The following GPR158 variants were observed in gnomAD, a reference collection of about 807,000 sequenced individuals.
GPR158 encodes the protein G protein-coupled receptor 158.
GPR158 carries 30 observed loss-of-function variants against 78.2 expected under a neutral mutation model. The observed-to-expected ratio is 0.38, with a 90% CI of 0.29 to 0.52. The LOEUF is 0.52. Among genes scored for constraint, GPR158 ranks in the 20% least tolerant of loss-of-function variants. GPR158 has a pLI of 0.83. For missense variants in GPR158, 1,463 were observed against 1,523.5 expected (o/e 0.96, Z 0.66); for synonymous variants, 581 against 591.1 (o/e 0.98, Z 0.25).
intron 2 of GPR158, among the ~76,000 whole-genome samples, chr10:25,324,321 C>T (rs776712610): frequency 6.6e-6 from 1 of 152,158 alleles, no homozygotes; most frequent in East Asian, 1.9e-4. Flanking sequence ...CACTTAGAGG[C>T]CATTGTAGGC....
chr10:25,463,298 C>A (rs1261809453), intron 4 of GPR158, among the ~76,000 whole-genome samples: 3 of 152,070 alleles, frequency 2.0e-5, no homozygotes, highest in Admixed American at 6.5e-5. Context: ...CTTTTATATG[C>A]ACTGGGAAAC....
At chr10:25,533,051 A>G (rs1397925551) in intron 5 of GPR158, among the ~76,000 whole-genome samples, 1 of 152,208 alleles carries the variant, frequency 6.6e-6, no homozygotes, top group Non-Finnish European at 1.5e-5. Context: ...GTCCCCTACT[A>G]GTGGAGAATG....
chr10:25,256,496 A>G (rs1255303940), intron 2 of GPR158, among the ~76,000 whole-genome samples: 1 of 151,830 alleles, frequency 6.6e-6, no homozygotes, highest in Non-Finnish European at 1.5e-5. Flanking sequence ...TACAATCTAC[A>G]ATTTTTTTTT....
intron 2 of GPR158, among the ~76,000 whole-genome samples, chr10:25,298,906 T>C (rs1028990537): frequency 2.0e-5 from 3 of 152,216 alleles, no homozygotes; most frequent in Non-Finnish European, 4.4e-5. Flanking sequence ...CAGAAGGAGC[T>C]TTTTCACTTT....
intron 2 of GPR158, among the ~76,000 whole-genome samples, chr10:25,354,374 A>T (rs1284279768): frequency 2.0e-5 from 3 of 151,266 alleles, no homozygotes; most frequent in Non-Finnish European, 4.4e-5. Context: ...AAAAAAAGTT[A>T]TTAAGGAGAG....
intron 2 of GPR158, among the ~76,000 whole-genome samples, chr10:25,237,436 G>A (rs1376602242): frequency 2.0e-5 from 3 of 152,160 alleles, no homozygotes; most frequent in Admixed American, 2.0e-4. Flanking sequence ...TCCTATTAGG[G>A]AATGTCTATC....
intron 1 of GPR158, among the ~76,000 whole-genome samples, chr10:25,198,638 G>T (rs1291583086): frequency 2.0e-5 from 3 of 152,174 alleles, no homozygotes; most frequent in African/African-American, 7.2e-5. Context: ...TAAGCAGAAA[G>T]CTATTTGATA....
chr10:25,332,125 G>A (rs904010228), intron 2 of GPR158, among the ~76,000 whole-genome samples: 8 of 151,724 alleles, frequency 5.3e-5, no homozygotes, highest in Admixed American at 2.0e-4. Context: ...GGGGGGGGGC[G>A]AATACATTTC....
At chr10:25,368,648 G>C (rs771475195) in intron 2 of GPR158, among the ~76,000 whole-genome samples, 1 of 151,856 alleles carries the variant, frequency 6.6e-6, no homozygotes, top group African/African-American at 2.4e-5. Flanking sequence ...GTGTAAATTT[G>C]TTCGGCCATT....
intron 2 of GPR158, among the ~76,000 whole-genome samples, chr10:25,387,602 G>A (rs535534157): frequency 1.3e-4 from 20 of 150,048 alleles, no homozygotes; most frequent in East Asian, 9.9e-4. Flanking sequence ...TGCAACCTCC[G>A]CCTCCTGGGT....
intron 4 of GPR158, among the ~76,000 whole-genome samples, chr10:25,451,841 A>C (rs1835221621): frequency 6.6e-6 from 1 of 152,176 alleles, no homozygotes; most frequent in African/African-American, 2.4e-5. Flanking sequence ...GTTACTCATT[A>C]CCACATTTAT....
At chr10:25,378,522 A>G (rs942555735) in intron 2 of GPR158, among the ~76,000 whole-genome samples, 14 of 151,458 alleles carry the variant, frequency 9.2e-5, no homozygotes, top group African/African-American at 3.2e-4. Context: ...TTGTCCCACT[A>G]TGCTCTTTTT....
chr10:25,496,912 T>A (rs1347905407), intron 5 of GPR158, among the ~76,000 whole-genome samples: 4 of 152,170 alleles, frequency 2.6e-5, no homozygotes, highest in Admixed American at 2.6e-4. Context: ...AAATGGATAG[T>A]ACAGACAGTA....
intron 4 of GPR158, among the ~76,000 whole-genome samples, chr10:25,454,270 T>TCCTACAACTTTACTGA (rs1588872066): frequency 3.7e-4 from 7 of 19,116 alleles, no homozygotes; most frequent in Admixed American, 5.2e-4. Context: ...TGATTTTGTA[T>TCCTACAACTTTACTGA]ACATTTTGTA....
rs1205431055 is a variant in GPR158, at chr10:25,445,295, A to G, written c.1336-21356A>G. The stretch of plus-strand genomic sequence containing the variant: ...CATAAGACTTTCCTAGATAAGAAAG[A>G]GCAGCATCTGCAAAAGTCTTGGAAT... On this transcript the variant is annotated intron_variant, in intron 4 of 10. Transcript: ENST00000376351. 4.6e-5 allele frequency among the ~76,000 whole-genome samples: 7 copies of G among 152,290 alleles called. No individual in the cohort carries two copies. The East Asian group carries it at 1.2e-3, about 25-fold the overall frequency.
chr10:25,486,813 A>T (rs17527895), intron 5 of GPR158, among the ~76,000 whole-genome samples: 67,194 of 150,324 alleles, frequency 0.45, 15,995 homozygotes, highest in East Asian at 0.8. Flanking sequence ...ATGATAGACC[A>T]TTTTTTTTTG....
chr10:25,176,353 CA>C lies in GPR158; in HGVS notation c.902+35del. ...GAGGGCCGGGGGGCAGGGGGGAAGG[CA>C]AAAGCGAAGCTTTCCTTCCGGTCTT... is the stretch of plus-strand genomic sequence containing the variant. On this transcript the variant is annotated intron_variant, in intron 1 of 10. Coordinates refer to ENST00000376351, the MANE Select transcript of GPR158 (RefSeq NM_020752.3). The surrounding 1 kb of genome is among the most constrained non-coding windows in gnomAD (Gnocchi z 6.3). The C allele has an allele frequency of 2.0e-6, 3 of 1,494,654 alleles. No homozygotes were observed. Among genetic ancestry groups the C allele is most frequent in the Non-Finnish European group, 2.7e-6 (3 of 1,109,716 alleles). 92.6% of individuals were successfully genotyped at this position (1,494,654 alleles called of 1,614,324 possible). A position where few individuals can be genotyped will look rare whatever the true frequency, so the allele number is the denominator to read the frequency against.
chr10:25,360,107 G>C (rs1378881226), intron 2 of GPR158, among the ~76,000 whole-genome samples: 1 of 151,458 alleles, frequency 6.6e-6, no homozygotes, highest in Non-Finnish European at 1.5e-5. Context: ...TGATGAGGTT[G>C]TTTTCTTATA....
At chr10:25,290,033 A>G (rs557039485) in intron 2 of GPR158, among the ~76,000 whole-genome samples, 1 of 152,180 alleles carries the variant, frequency 6.6e-6, no homozygotes, top group Admixed American at 6.5e-5. Context: ...TAAAATTATC[A>G]CACAGTTAGT....
Sources: allele counts gnomAD v4.1 joint callset (sites outside exome capture counted in the v4.1 genomes callset), GRCh38; gene constraint gnomAD v4.1.1; non-coding constraint Gnocchi (gnomAD v3.1); transcripts MANE v1.5; gene names NCBI Gene and HGNC (gene_info 2026-07-23, HGNC 2026-07-21).